ATG16L1: variants seen among roughly 807,000 people sequenced by gnomAD.
ATG16L1 encodes autophagy-related protein 16-1.
A neutral mutation model predicts 88.5 loss-of-function variants in ATG16L1; 37 were observed. The ratio of observed to expected loss-of-function variants is 0.42; its 90% CI spans 0.32 to 0.55. The LOEUF (loss-of-function observed/expected upper bound fraction) is 0.55. Ranked by LOEUF, ATG16L1 falls within the 20% of genes least tolerant of loss-of-function variation. The pLI, the probability that ATG16L1 is intolerant of heterozygous loss-of-function variation, is 0.13. For missense variants in ATG16L1, 554 were observed against 752.8 expected, an observed-to-expected ratio of 0.74 and a Z score of 3.09; for synonymous variants, 301 against 281.0, an observed-to-expected ratio of 1.07 and a Z score of -0.71.
intron 9 of ATG16L1, among the ~76,000 whole-genome samples, chr2:233,276,271 C>CAA (rs1698364354): frequency 6.6e-6 from 1 of 152,124 alleles, no homozygotes; most frequent in Non-Finnish European, 1.5e-5. Context: ...ATCTACTTAA[C>CAA]AATCTCATAT....
chr2:233,254,786 C>CT lies in ATG16L1; in HGVS notation c.116-1312dup, dbSNP rs370408973. ...GAGAGTGTTTCTACCCAGGAGTTCT[C>CT]TTTTCAGGTATCAAAAAGTGGGACT... On this transcript the variant is annotated intron_variant, in intron 1 of 17. Coordinates refer to ENST00000392017, the MANE Select transcript of ATG16L1 (RefSeq NM_030803.7). 5.9e-5 allele frequency among the ~76,000 whole-genome samples: 9 copies of CT among 152,252 alleles called. 1 individual carries two copies. The East Asian group carries it at 1.7e-3, about 29-fold the overall frequency.
At chr2:233,263,945 A>G in intron 3 of ATG16L1, 47 bp from the exon 4 acceptor site, 1 of 1,581,950 alleles carries the variant, frequency 6.3e-7, no homozygotes. Context: ...TTTCCAAATG[A>G]GGTCCTAAAA....
At chr2:233,275,180 A>C (rs557148130) in intron 9 of ATG16L1, among the ~76,000 whole-genome samples, 3 of 152,200 alleles carry the variant, frequency 2.0e-5, no homozygotes, top group Non-Finnish European at 4.4e-5. Flanking sequence ...TTATATCCCT[A>C]TCTGTATGAC....
intron 1 of ATG16L1, among the ~76,000 whole-genome samples, chr2:233,254,751 A>G (rs1696654630): frequency 6.6e-6 from 1 of 152,122 alleles, no homozygotes; most frequent in African/African-American, 2.4e-5. Context: ...AATTCGTTTG[A>G]CCAATAGATG....
chr2:233,290,669 G>T (rs905501552), intron 14 of ATG16L1, among the ~76,000 whole-genome samples: 5 of 152,178 alleles, frequency 3.3e-5, no homozygotes, highest in African/African-American at 1.2e-4. Flanking sequence ...AGTGACTAGT[G>T]TGTTGAAGTG....
At chr2:233,283,640 T>C (rs1202281749) in intron 12 of ATG16L1, among the ~76,000 whole-genome samples, 1 of 151,950 alleles carries the variant, frequency 6.6e-6, no homozygotes, top group African/African-American at 2.4e-5. Context: ...AACCTCCGCC[T>C]TCTGGGTTCA....
At chr2:233,278,370 G>T (rs892930685) in intron 10 of ATG16L1, among the ~76,000 whole-genome samples, 1 of 152,200 alleles carries the variant, frequency 6.6e-6, no homozygotes, top group Non-Finnish European at 1.5e-5. Context: ...TAAGGCCGAA[G>T]AATAAGGCTT....
chr2:233,286,101 G>A (rs1017523367), intron 12 of ATG16L1, among the ~76,000 whole-genome samples: 1 of 152,132 alleles, frequency 6.6e-6, no homozygotes, highest in Non-Finnish European at 1.5e-5. Flanking sequence ...ATTGGCTATG[G>A]CTGCTAGGTG....
chr2:233,277,809 C>T (rs1055995088), intron 10 of ATG16L1, 136 bp downstream of exon 10: 9 of 713,390 alleles, frequency 1.3e-5, no homozygotes, highest in Admixed American at 6.9e-5. Flanking sequence ...TCAAAACATA[C>T]ATTTTATGTA....
At chr2:233,271,545 T>C (rs962442509) in intron 6 of ATG16L1, among the ~76,000 whole-genome samples, 1 of 152,252 alleles carries the variant, frequency 6.6e-6, no homozygotes, top group Non-Finnish European at 1.5e-5. Flanking sequence ...CCCAAAGTGC[T>C]GAAATTACAG....
chr2:233,254,068 T>A (rs957098724), intron 1 of ATG16L1, among the ~76,000 whole-genome samples: 4 of 152,206 alleles, frequency 2.6e-5, no homozygotes, highest in African/African-American at 7.2e-5. Flanking sequence ...GCTGTGCATA[T>A]AAGTGCTTTC....
Position 233,258,563 on chromosome 2 carries a change from G to A in ATG16L1, c.209+2368G>A, listed in dbSNP as rs763077996. On this transcript the variant is annotated intron_variant, in intron 2 of 17. Coordinates refer to ENST00000392017, the MANE Select transcript of ATG16L1 (RefSeq NM_030803.7). ...TAGATAATGCTGTTTCACCATTTTC[G>A]TCTAAATTCATCCAATTGAAAACTA... Among the ~76,000 whole-genome samples the A allele has an allele frequency of 5.3e-5, 8 of 151,908 alleles. No homozygotes were observed. In the East Asian group the frequency reaches 5.8e-4, roughly 11 times the overall value.
chr2:233,263,451 T>C (rs1697353318), intron 3 of ATG16L1, among the ~76,000 whole-genome samples: 1 of 152,158 alleles, frequency 6.6e-6, no homozygotes, highest in Non-Finnish European at 1.5e-5. Context: ...GTGAGAGCGC[T>C]GCCAGTTACC....
chr2:233,269,879 G>T, intron 5 of ATG16L1, 123 bp from the exon 6 acceptor site: 1 of 897,914 alleles, frequency 1.1e-6, no homozygotes, highest in South Asian at 2.3e-5. Flanking sequence ...ATTTTGCTCA[G>T]GGTAGTTGTT....
At chr2:233,262,751 C>T (rs1261393539) in intron 2 of ATG16L1, among the ~76,000 whole-genome samples, 1 of 152,202 alleles carries the variant, frequency 6.6e-6, no homozygotes, top group Non-Finnish European at 1.5e-5. Context: ...TGACCTCACA[C>T]GTGCTCTCAG....
At chr2:233,289,564 A>AT (rs992556131) in intron 12 of ATG16L1, among the ~76,000 whole-genome samples, 68 of 152,124 alleles carry the variant, frequency 4.5e-4, no homozygotes, top group African/African-American at 1.5e-3. Flanking sequence ...TTTTAAAAAA[A>AT]TTTTTTTGTA....
chr2:233,264,863 C>CT (rs1697460551), intron 4 of ATG16L1, 29 bp from the exon 5 acceptor site: 1 of 1,612,384 alleles, frequency 6.2e-7, no homozygotes. Flanking sequence ...TGGCGAGGTA[C>CT]TATTCGTCCT....
At chr2:233,290,585 G>GA (rs150827370) in intron 14 of ATG16L1, among the ~76,000 whole-genome samples, 1 of 152,124 alleles carries the variant, frequency 6.6e-6, no homozygotes, top group South Asian at 2.1e-4. Flanking sequence ...TGGCAGGTAA[G>GA]AAAAGGCAAA....
intron 17 of ATG16L1, 75 bp downstream of exon 17, chr2:233,293,432 T>C: frequency 7.3e-7 from 1 of 1,374,150 alleles, no homozygotes; most frequent in Non-Finnish European, 1.0e-6. Flanking sequence ...GGTCATCCGG[T>C]TTAGACCTCA....
Sources: gnomAD v4.1 joint callset for allele counts (sites outside exome capture counted in the v4.1 genomes callset) on GRCh38, gnomAD v4.1.1 for gene constraint, MANE v1.5 for transcripts, NCBI Gene and HGNC (gene_info 2026-07-23, HGNC 2026-07-21) for gene names.